Variants in FAM107B observed in about 807,000 individuals in gnomAD.
The protein encoded by FAM107B is protein FAM107B.
Under a neutral mutation model 31.5 loss-of-function variants are expected in FAM107B, and 21 were observed. The ratio of observed to expected loss-of-function variants is 0.67; its 90% CI spans 0.47 to 0.96. The LOEUF (loss-of-function observed/expected upper bound fraction) is 0.96. FAM107B is among the 40% of genes least tolerant of loss of function. The pLI is 0.00. For synonymous variants in FAM107B, 157 were observed against 141.5 expected, an observed-to-expected ratio of 1.11 and a Z score of -0.78; for missense variants, 452 against 377.1, an observed-to-expected ratio of 1.20 and a Z score of -1.64.
At chr10:14,562,640 A>G (rs145279543) in intron 2 of FAM107B, among the ~76,000 whole-genome samples, 16 of 152,378 alleles carry the variant, frequency 1.1e-4, no homozygotes, top group African/African-American at 3.8e-4. Flanking sequence ...ATCCTTTACG[A>G]CAATACCACG....
chr10:14,610,054 G>A (rs1022987395), intron 2 of FAM107B, among the ~76,000 whole-genome samples: 1 of 152,180 alleles, frequency 6.6e-6, no homozygotes, highest in Non-Finnish European at 1.5e-5. Context: ...TTAAGAATAT[G>A]GCATCTAGGC....
At chr10:14,603,422 T>C (rs887266431) in intron 2 of FAM107B, among the ~76,000 whole-genome samples, 1 of 152,216 alleles carries the variant, frequency 6.6e-6, no homozygotes, top group Non-Finnish European at 1.5e-5. Flanking sequence ...TTTGCTCCGC[T>C]GTCATTGCCT....
At chr10:14,584,406 T>C (rs940510259) in intron 2 of FAM107B, among the ~76,000 whole-genome samples, 1 of 152,196 alleles carries the variant, frequency 6.6e-6, no homozygotes, top group African/African-American at 2.4e-5. Flanking sequence ...GAATTATGCT[T>C]TCGCACCCCA....
At chr10:14,639,624 T>C (rs1480618259) in intron 2 of FAM107B, among the ~76,000 whole-genome samples, 2 of 152,146 alleles carry the variant, frequency 1.3e-5, no homozygotes, top group Non-Finnish European at 2.9e-5. Flanking sequence ...TTCCCTTACA[T>C]TCCAATTCCA....
chr10:14,762,752 T>TCA (rs1491112835), intron 1 of FAM107B, among the ~76,000 whole-genome samples: 3,853 of 117,526 alleles, frequency 0.033, 101 homozygotes, highest in Middle Eastern at 0.068. Context: ...TGAAACTCTG[T>TCA]CTCACACACA....
At chr10:14,570,095 T>A (rs191742585) in intron 2 of FAM107B, among the ~76,000 whole-genome samples, 1 of 152,370 alleles carries the variant, frequency 6.6e-6, no homozygotes, top group African/African-American at 2.4e-5. Flanking sequence ...CATTTATCAT[T>A]GCTACAGAAA....
intron 2 of FAM107B, among the ~76,000 whole-genome samples, chr10:14,627,877 G>A (rs1213470080): frequency 6.6e-6 from 1 of 152,116 alleles, no homozygotes; most frequent in Non-Finnish European, 1.5e-5. Context: ...GGTTTGGAAG[G>A]AAGGTCACAG....
At chr10:14,683,792 C>A (rs1286691444) in intron 1 of FAM107B, among the ~76,000 whole-genome samples, 1 of 152,182 alleles carries the variant, frequency 6.6e-6, no homozygotes, top group East Asian at 1.9e-4. Context: ...GAATACATCA[C>A]AATTTTTTAA....
At chr10:14,650,533 A>G (rs7092176) in intron 2 of FAM107B, among the ~76,000 whole-genome samples, 77,009 of 152,016 alleles carry the variant, frequency 0.51, 19,912 homozygotes, top group East Asian at 0.59. Context: ...TAATCCTCCC[A>G]CCCTGGCCTC....
intron 1 of FAM107B, among the ~76,000 whole-genome samples, chr10:14,719,121 A>G (rs1044288942): frequency 6.6e-6 from 1 of 152,202 alleles, no homozygotes; most frequent in East Asian, 1.9e-4. Flanking sequence ...TCACAGCCAG[A>G]CAGGGCTTCA....
intron 2 of FAM107B, among the ~76,000 whole-genome samples, chr10:14,588,734 A>G (rs1851923572): frequency 6.6e-6 from 1 of 152,164 alleles, no homozygotes; most frequent in Non-Finnish European, 1.5e-5. Flanking sequence ...GCTGTCTCCC[A>G]AAAACACATC....
At chr10:14,592,042 T>C (rs1852037743) in intron 2 of FAM107B, among the ~76,000 whole-genome samples, 1 of 152,238 alleles carries the variant, frequency 6.6e-6, no homozygotes. Context: ...ATCCTGGTCC[T>C]TAAGAAAAGC....
At chr10:14,562,934 C>G (rs989565987) in intron 2 of FAM107B, among the ~76,000 whole-genome samples, 3 of 152,212 alleles carry the variant, frequency 2.0e-5, no homozygotes, top group Non-Finnish European at 4.4e-5. Context: ...CTTGCCTGAG[C>G]TATAACAGAA....
At chr10:14,598,580 C>A (rs7911891) in intron 2 of FAM107B, among the ~76,000 whole-genome samples, 145,903 of 152,238 alleles carry the variant, frequency 0.96, 70,226 homozygotes, top group East Asian at 1. Flanking sequence ...ATCAATGGGC[C>A]CAAGGTTTCA....
At chr10:14,733,581 A>G (rs1856224066) in intron 1 of FAM107B, among the ~76,000 whole-genome samples, 1 of 152,194 alleles carries the variant, frequency 6.6e-6, no homozygotes, top group African/African-American at 2.4e-5. Context: ...TATTAGAATA[A>G]ATACCCATAG....
At chr10:14,652,738 A>G (rs1445005034) in intron 2 of FAM107B, 1 of 152,230 alleles carries the variant, frequency 6.6e-6, no homozygotes, top group African/African-American at 2.4e-5. Context: ...AGTTGTGAGA[A>G]AAGACTATTT....
At chr10:14,686,671 T>G (rs1480684027) in intron 1 of FAM107B, among the ~76,000 whole-genome samples, 1 of 152,206 alleles carries the variant, frequency 6.6e-6, no homozygotes, top group Non-Finnish European at 1.5e-5. Flanking sequence ...AAGTTTAGAC[T>G]CCAGGCCTGG....
intron 1 of FAM107B, among the ~76,000 whole-genome samples, chr10:14,679,323 G>T (rs1280433969): frequency 1.3e-5 from 2 of 152,190 alleles, no homozygotes; most frequent in East Asian, 3.9e-4. Flanking sequence ...TAGAAACAGG[G>T]TCTCACTATG....
intron 2 of FAM107B, among the ~76,000 whole-genome samples, chr10:14,629,491 A>T (rs1443979133): frequency 1.6e-4 from 17 of 104,138 alleles, no homozygotes; most frequent in East Asian, 5.4e-4. Flanking sequence ...TAACATATAT[A>T]ATATATATAT....
Sources: allele counts gnomAD v4.1 joint callset (sites outside exome capture counted in the v4.1 genomes callset), GRCh38; gene constraint gnomAD v4.1.1; transcripts MANE v1.5; gene names NCBI Gene and HGNC (gene_info 2026-07-23, HGNC 2026-07-21).